PLCG2: variants seen among roughly 807,000 people sequenced by gnomAD.
PLCG2 encodes 1-phosphatidylinositol 4,5-bisphosphate phosphodiesterase gamma-2.
A neutral mutation model predicts 175.6 loss-of-function variants in PLCG2; 69 were observed. That is an observed-to-expected ratio of 0.39 (90% CI 0.32 to 0.48). PLCG2 has a LOEUF of 0.48. PLCG2 is among the 20% of genes least tolerant of loss of function. The pLI, the probability that PLCG2 is intolerant of heterozygous loss-of-function variation, is 0.91. For synonymous variants in PLCG2, 827 were observed against 624.0 expected (o/e 1.33, Z -4.85); for missense variants, 1,798 against 1,650.9 (o/e 1.09, Z -1.54).
At chr16:81,802,851 A>T (rs1262481148) in intron 2 of PLCG2, among the ~76,000 whole-genome samples, 1 of 152,178 alleles carries the variant, frequency 6.6e-6, no homozygotes, top group East Asian at 1.9e-4. Flanking sequence ...AGAAATTAAT[A>T]CTTTTATTGA....
upstream of PLCG2, among the ~76,000 whole-genome samples, chr16:81,778,462 A>G (rs1009459332): frequency 1.6e-4 from 24 of 152,316 alleles, no homozygotes; most frequent in East Asian, 4.4e-3. Context: ...CTCTAGTCAC[A>G]ACAAAGATAC....
intron 1 of PLCG2, among the ~76,000 whole-genome samples, chr16:81,749,924 C>CG (rs1909773337): frequency 6.6e-6 from 1 of 152,002 alleles, no homozygotes; most frequent in African/African-American, 2.4e-5. Context: ...AATCCATCTA[C>CG]GCGGCGGAAT....
chr16:81,869,241 C>G lies in PLCG2; in HGVS notation c.507C>G (p.Ile169Met), dbSNP rs1219414299. 6.2e-7 allele frequency: 1 copy of G among 1,614,096 alleles called. No individual in the cohort carries two copies. Among genetic ancestry groups the G allele is most frequent in the East Asian group, 2.2e-5 (1 of 44,886 alleles). Residue 169 changes from isoleucine to methionine, a missense_variant, in exon 6 of 33, where the codon ATC (isoleucine) becomes ATG (methionine). Transcript: ENST00000564138. ...TCAGTCTCCGAGAGTTGAAGACCAT[C>G]TTGCCCCTGATCAACTTTAAAGTGA... The part of the protein sequence containing the change: ...NSISLRELKT[I>M]LPLINFKVSS...
At chr16:81,859,666 C>G (rs548141086) in intron 5 of PLCG2, among the ~76,000 whole-genome samples, 70 of 152,174 alleles carry the variant, frequency 4.6e-4, no homozygotes, top group Non-Finnish European at 8.4e-4. Flanking sequence ...TCCCAAGTAC[C>G]TAGGACTACA....
chr16:81,787,759 A>G (rs1911047968), intron 2 of PLCG2, among the ~76,000 whole-genome samples: 1 of 151,944 alleles, frequency 6.6e-6, no homozygotes, highest in Non-Finnish European at 1.5e-5. Flanking sequence ...GACGTAAGCA[A>G]CCGTTAAATT....
At chr16:81,763,148 G>T (rs1305037057) in intron 2 of PLCG2, among the ~76,000 whole-genome samples, 1 of 152,172 alleles carries the variant, frequency 6.6e-6, no homozygotes, top group African/African-American at 2.4e-5. Context: ...GACTGAAGAA[G>T]AGGCCTTACA....
chr16:81,870,844 A>C lies in PLCG2; in HGVS notation c.565-8A>C. On this transcript the variant is annotated splice_region_variant and splice_polypyrimidine_tract_variant and intron_variant, in intron 6 of 32. Coordinates refer to ENST00000564138, the MANE Select transcript of PLCG2 (RefSeq NM_002661.5). ...AAAATCATGTGGTCACTTTTTTCAT[A>C]TTTACAGGAAATAGGAGCACACAAA... is the stretch of plus-strand genomic sequence containing the variant. 1 of 1,539,940 alleles carries C rather than the reference A, an allele frequency of 6.5e-7. No homozygotes were observed. The highest frequency in any genetic ancestry group is 8.9e-7 in the Non-Finnish European group (1 of 1,125,796).
At chr16:81,819,274 G>A (rs1282626347) in intron 2 of PLCG2, among the ~76,000 whole-genome samples, 5 of 152,176 alleles carry the variant, frequency 3.3e-5, no homozygotes, top group South Asian at 2.1e-4. Flanking sequence ...GGCAGAGTCA[G>A]GACATCCTGG....
chr16:81,828,147 A>G (rs1402790718), intron 2 of PLCG2, among the ~76,000 whole-genome samples: 1 of 149,914 alleles, frequency 6.7e-6, no homozygotes, highest in East Asian at 2.0e-4. Flanking sequence ...AAGCAAAATG[A>G]TCTTCACCTG....
intron 7 of PLCG2, among the ~76,000 whole-genome samples, chr16:81,873,582 T>G (rs1391871537): frequency 6.6e-6 from 1 of 152,080 alleles, no homozygotes; most frequent in African/African-American, 2.4e-5. Context: ...TAGTTTACCT[T>G]GAAATTTCAA....
chr16:81,921,730 C>G (rs1368367042), intron 21 of PLCG2: 4 of 239,836 alleles, frequency 1.7e-5, no homozygotes, highest in Non-Finnish European at 3.3e-5. Flanking sequence ...GCTTTCATCT[C>G]AAATTTAGTT....
intron 2 of PLCG2, among the ~76,000 whole-genome samples, chr16:81,823,876 T>A (rs1166417097): frequency 6.6e-6 from 1 of 151,730 alleles, no homozygotes; most frequent in Non-Finnish European, 1.5e-5. Context: ...CTTTTCTTTT[T>A]TCTTCCTTCT....
intron 8 of PLCG2, among the ~76,000 whole-genome samples, chr16:81,882,012 A>T (rs1305526520): frequency 6.6e-6 from 1 of 152,132 alleles, no homozygotes; most frequent in Non-Finnish European, 1.5e-5. Flanking sequence ...TGGTGGGGAA[A>T]GGTTAGAATT....
At chr16:81,917,970 G>C (rs921995999) in intron 19 of PLCG2, among the ~76,000 whole-genome samples, 4 of 152,098 alleles carry the variant, frequency 2.6e-5, no homozygotes, top group African/African-American at 9.7e-5. Flanking sequence ...TGATCTGCCT[G>C]CCTTGGCCTC....
Position 81,818,883 on chromosome 16 carries a change from A to ATTTTTTTTTTTTTT in PLCG2, c.193+32712_193+32725dup, listed in dbSNP as rs57346304. 1.3e-3 allele frequency among the ~76,000 whole-genome samples: 134 copies of ATTTTTTTTTTTTTT among 106,604 alleles called. 2 individuals are homozygous for ATTTTTTTTTTTTTT. Among genetic ancestry groups the ATTTTTTTTTTTTTT allele is most frequent in the African/African-American group, 5.0e-3 (124 of 24,944 alleles). 69.9% of individuals were successfully genotyped at this position (106,604 alleles called of 152,430 possible). On this transcript the variant is annotated intron_variant, in intron 2 of 32. Transcript: ENST00000564138. Reference sequence around the variant, plus strand: ...TCCATAAGCTAGTGTGGGCTCATGGATTTTTTTTTTTTTTTTTTTTTTTTA... The same window carrying ATTTTTTTTTTTTTT: ...TCCATAAGCTAGTGTGGGCTCATGGATTTTTTTTTTTTTTTTTTTTTTTTTTTTTTTTTTTTTTA...
intron 1 of PLCG2, among the ~76,000 whole-genome samples, chr16:81,782,757 A>G (rs1286976398): frequency 6.6e-6 from 1 of 152,228 alleles, no homozygotes; most frequent in Admixed American, 6.5e-5. Flanking sequence ...CCACAAAACG[A>G]TTCTGTTAAA....
At position 81,746,764 on chromosome 16, in the gene PLCG2, G is replaced by A. The variant is rs1036406577; in HGVS notation, c.-145+7379G>A. On this transcript the variant is annotated intron_variant, in intron 1 of 5. Coordinates refer to the PLCG2 transcript ENST00000565054. ...ATTCCCACTTCTCAGGCTTGATAACGTCAATCAGGTAACTGGTACAGTGCC... is the reference window on the plus strand; with the variant it reads ...ATTCCCACTTCTCAGGCTTGATAACATCAATCAGGTAACTGGTACAGTGCC... 3.3e-5 allele frequency among the ~76,000 whole-genome samples: 5 copies of A among 152,148 alleles called. No individual in the cohort carries two copies. The South Asian group carries it at 8.3e-4, about 25-fold the overall frequency.
rs909418452 is a variant in PLCG2, at chr16:81,908,585, C to T, written c.1727C>T (p.Ser576Phe). 6.2e-7 allele frequency: 1 copy of T among 1,608,324 alleles called. No homozygotes were observed. The highest frequency in any genetic ancestry group is 1.7e-5 in the Admixed American group (1 of 59,674). ...SETFPNDYTL[S>F]FWRSGRVQHC... ...ACCTTCCCCAATGACTACACCCTGT[C>T]CTTCTGGTAATGCCCCCGACCCAGG... Residue 576 changes from serine to phenylalanine, a missense_variant, in exon 17 of 33, where the codon TCC becomes TTC. Coordinates refer to ENST00000564138, the MANE Select transcript of PLCG2 (RefSeq NM_002661.5).
Position 81,958,887 on chromosome 16 carries a change from G to T in PLCG2, c.*889G>T. ...AGAGGTAGACAAAAGTTAGGTTGAT[G>T]GCGAAATGTCTCTGGGTTACCCAGT... On this transcript the variant is annotated 3_prime_UTR_variant, in exon 33 of 33. Coordinates refer to ENST00000564138, the MANE Select transcript of PLCG2 (RefSeq NM_002661.5). The T allele has an allele frequency of 4.5e-6, 1 of 220,026 alleles. No individual in the cohort carries two copies. The highest frequency in any genetic ancestry group is 9.1e-6 in the Non-Finnish European group (1 of 109,674). The allele number at this position is 220,026 out of a possible 1,614,324, so 13.6% of individuals were successfully genotyped here. A position where few individuals can be genotyped will look rare whatever the true frequency, so the allele number is the denominator to read the frequency against.
Sources: gnomAD v4.1 joint callset for allele counts (sites outside exome capture counted in the v4.1 genomes callset) on GRCh38, gnomAD v4.1.1 for gene constraint, MANE v1.5 for transcripts, NCBI Gene and HGNC (gene_info 2026-07-23, HGNC 2026-07-21) for gene names.